Variants in GRM8 observed in about 807,000 individuals in gnomAD.
GRM8 encodes the protein glutamate metabotropic receptor 8.
A neutral mutation model predicts 87.2 loss-of-function variants in GRM8; 47 were observed. The ratio of observed to expected loss-of-function variants is 0.54; its 90% confidence interval spans 0.43 to 0.69. GRM8 has a LOEUF of 0.69. GRM8 is among the 30% of genes least tolerant of loss of function. The pLI is 0.00. For synonymous variants in GRM8, 396 were observed against 404.5 expected (o/e 0.98, Z 0.25); for missense variants, 1,019 against 1,139.2 (o/e 0.89, Z 1.52).
chr7:126,672,479 TTTCTC>T (rs1006865556), intron 7 of GRM8, among the ~76,000 whole-genome samples: 2 of 152,194 alleles, frequency 1.3e-5, no homozygotes, highest in African/African-American at 4.8e-5. Flanking sequence ...CACCTTCTCT[TTTCTC>T]TTCCTCTGGT....
chr7:127,197,505 T>C (rs941290839), intron 2 of GRM8, among the ~76,000 whole-genome samples: 1 of 152,124 alleles, frequency 6.6e-6, no homozygotes, highest in African/African-American at 2.4e-5. Context: ...AACTCAAAAT[T>C]CATTGATTCG....
chr7:126,923,608 C>T (rs779227566), intron 3 of GRM8, among the ~76,000 whole-genome samples: 1 of 152,114 alleles, frequency 6.6e-6, no homozygotes, highest in Non-Finnish European at 1.5e-5. Flanking sequence ...AAATGAAATT[C>T]AGTGGACAAA....
intron 6 of GRM8, among the ~76,000 whole-genome samples, chr7:126,771,025 C>A (rs573583894): frequency 6.6e-6 from 1 of 151,914 alleles, no homozygotes; most frequent in Non-Finnish European, 1.5e-5. Flanking sequence ...ATTAAGGGAA[C>A]AAAAAATGAT....
At chr7:126,739,501 C>T (rs1814687426) in intron 7 of GRM8, among the ~76,000 whole-genome samples, 1 of 151,990 alleles carries the variant, frequency 6.6e-6, no homozygotes, top group African/African-American at 2.4e-5. Flanking sequence ...TAGCATCTTA[C>T]ATCTTTGATA....
chr7:126,969,016 G>A lies in GRM8; in HGVS notation c.728-64333C>T, dbSNP rs17869660. ...CTAGTGCATATAAAAGTAATGTTTA[G>A]GCTATATTGTATTCCACTGAGTATG... On this transcript the variant is annotated intron_variant, in intron 3 of 10. Coordinates refer to ENST00000339582, the MANE Select transcript of GRM8 (RefSeq NM_000845.3). Among the ~76,000 whole-genome samples the A allele has an allele frequency of 6.2e-3, 944 of 152,206 alleles. 11 individuals are homozygous for A. Among genetic ancestry groups the A allele is most frequent in the African/African-American group, 0.021 (887 of 41,530 alleles).
chr7:126,967,324 T>G (rs892169346), intron 3 of GRM8, among the ~76,000 whole-genome samples: 4 of 152,198 alleles, frequency 2.6e-5, no homozygotes, highest in African/African-American at 9.6e-5. Context: ...GAAGATGAAA[T>G]TCTTCCACTT....
chr7:126,595,560 C>A (rs1797099702), intron 8 of GRM8, among the ~76,000 whole-genome samples: 1 of 151,992 alleles, frequency 6.6e-6, no homozygotes, highest in African/African-American at 2.4e-5. Context: ...AGCCACTGCA[C>A]CTGGTCCAGG....
At chr7:126,912,981 T>C (rs1447744535) in intron 3 of GRM8, among the ~76,000 whole-genome samples, 2 of 152,230 alleles carry the variant, frequency 1.3e-5, no homozygotes, top group African/African-American at 2.4e-5. Context: ...CTTCATTCTT[T>C]CTGGTTTTTC....
intron 7 of GRM8, among the ~76,000 whole-genome samples, chr7:126,658,124 A>G (rs144596793): frequency 5.3e-4 from 80 of 152,356 alleles, no homozygotes; most frequent in Non-Finnish European, 8.4e-4. Flanking sequence ...ATAAATAAAG[A>G]GAAGTAGGCA....
intron 2 of GRM8, among the ~76,000 whole-genome samples, chr7:127,145,169 G>A (rs1828487162): frequency 6.6e-6 from 1 of 152,064 alleles, no homozygotes. Flanking sequence ...ACTGTAAACA[G>A]CCTGATGAAA....
intron 3 of GRM8, among the ~76,000 whole-genome samples, chr7:126,912,230 C>G (rs1586430064): frequency 6.9e-6 from 1 of 144,014 alleles, no homozygotes; most frequent in Non-Finnish European, 1.5e-5. Flanking sequence ...AACAAACAAA[C>G]AAATAGAGAA....
At chr7:126,691,318 T>C (rs997176407) in intron 7 of GRM8, among the ~76,000 whole-genome samples, 2 of 152,160 alleles carry the variant, frequency 1.3e-5, no homozygotes, top group African/African-American at 4.8e-5. Context: ...AACTTTGCTC[T>C]GAAATCAGAG....
intron 6 of GRM8, among the ~76,000 whole-genome samples, chr7:126,804,484 G>C (rs1360400755): frequency 6.6e-6 from 1 of 152,196 alleles, no homozygotes; most frequent in African/African-American, 2.4e-5. Context: ...ATTGACCGCA[G>C]AACTTTCTGT....
intron 6 of GRM8, among the ~76,000 whole-genome samples, chr7:126,788,685 C>T (rs1358441501): frequency 1.3e-5 from 2 of 151,096 alleles, no homozygotes; most frequent in Admixed American, 6.6e-5. Context: ...GTTGAACATA[C>T]AATTAGCAGC....
rs545087752 is a variant in GRM8 at position 126,836,459 on chromosome 7, T to A, written c.1156+66083A>T. ...TCACTTAAAAGAAATTCAAATTCCATAACATAGCCCACAATATTCTGCTGA... is the reference window on the plus strand; with the variant it reads ...TCACTTAAAAGAAATTCAAATTCCAAAACATAGCCCACAATATTCTGCTGA... On this transcript the variant is annotated intron_variant, in intron 6 of 10. Coordinates refer to ENST00000339582, the MANE Select transcript of GRM8 (RefSeq NM_000845.3). Among the ~76,000 whole-genome samples, 5 of 152,278 alleles carry A rather than the reference T, an allele frequency of 3.3e-5. No individual in the cohort carries two copies. The East Asian group carries it at 9.6e-4, about 29-fold the overall frequency.
At chr7:127,095,293 T>C (rs1000501368) in intron 3 of GRM8, among the ~76,000 whole-genome samples, 1 of 151,930 alleles carries the variant, frequency 6.6e-6, no homozygotes, top group Non-Finnish European at 1.5e-5. Context: ...CCCTGGCAAC[T>C]TGTGGGTTGA....
At chr7:126,750,821 T>C (rs1310574572) in intron 7 of GRM8, among the ~76,000 whole-genome samples, 1 of 152,040 alleles carries the variant, frequency 6.6e-6, no homozygotes, top group Admixed American at 6.6e-5. Context: ...TTTTCACTAA[T>C]AAGTTTTCCC....
chr7:126,724,759 CAA>C (rs34920309), intron 7 of GRM8, among the ~76,000 whole-genome samples: 20 of 121,880 alleles, frequency 1.6e-4, no homozygotes, highest in African/African-American at 3.8e-4. Context: ...AAACTATTTG[CAA>C]AAAAAAAAAA....
At chr7:127,111,972 G>A (rs1405623689) in intron 2 of GRM8, among the ~76,000 whole-genome samples, 1 of 151,748 alleles carries the variant, frequency 6.6e-6, no homozygotes, top group Non-Finnish European at 1.5e-5. Flanking sequence ...AGGTTGCAGG[G>A]AGCCGAAATC....
Sources: gnomAD v4.1 joint callset for allele counts (sites outside exome capture counted in the v4.1 genomes callset) on GRCh38, gnomAD v4.1.1 for gene constraint, MANE v1.5 for transcripts, NCBI Gene and HGNC (gene_info 2026-07-23, HGNC 2026-07-21) for gene names.